SYN2: variants seen among roughly 807,000 people sequenced by gnomAD.
The protein encoded by SYN2 is synapsin-2.
Under a neutral mutation model 50.9 loss-of-function variants are expected in SYN2, and 19 were observed. The observed-to-expected ratio is 0.37, with a 90% CI of 0.26 to 0.55. SYN2 has a LOEUF of 0.55. Ranked by LOEUF, SYN2 falls within the 20% of genes least tolerant of loss-of-function variation. The pLI is 0.81. For synonymous variants in SYN2, 255 were observed against 224.9 expected (o/e 1.13, Z -1.20); for missense variants, 587 against 576.4 (o/e 1.02, Z -0.19).
chr3:12,107,837 T>C lies in SYN2; in HGVS notation c.378-32814T>C, dbSNP rs114648536. ...TTTAACCCAACATTTCCTAAAATCA[T>C]GTGACTATAGAAGTCCTATAGAACA... On this transcript the variant is annotated intron_variant, in intron 1 of 12. Coordinates refer to ENST00000621198, the MANE Select transcript of SYN2 (RefSeq NM_133625.6). Among the ~76,000 whole-genome samples, 725 of 152,362 alleles carry C rather than the reference T, an allele frequency of 4.8e-3. 4 individuals carry two copies. Among genetic ancestry groups the C allele is most frequent in the African/African-American group, 0.017 (688 of 41,584 alleles).
At chr3:12,005,402 G>A (rs1015147906) in intron 1 of SYN2, among the ~76,000 whole-genome samples, 2 of 151,778 alleles carry the variant, frequency 1.3e-5, no homozygotes, top group African/African-American at 4.8e-5. Flanking sequence ...GTGGTGGTGG[G>A]TTTTTTTTAA....
chr3:12,039,549 A>ATTTTTTTTTTTTTTTTTTTTTT (rs60746238), intron 1 of SYN2, among the ~76,000 whole-genome samples: 1 of 118,010 alleles, frequency 8.5e-6, no homozygotes, highest in South Asian at 3.1e-4. Context: ...AGAAGCAAAG[A>ATTTTTTTTTTTTTTTTTTTTTT]TTTTTTTTTT....
intron 5 of SYN2, 45 bp from the exon 6 acceptor site, chr3:12,161,501 G>A (rs1697647776): frequency 6.2e-7 from 1 of 1,608,448 alleles, no homozygotes; most frequent in Non-Finnish European, 8.5e-7. Flanking sequence ...TCCACGGAGA[G>A]ATGGGCACAC....
At chr3:12,129,284 A>G (rs149683146) in intron 1 of SYN2, among the ~76,000 whole-genome samples, 196 of 152,358 alleles carry the variant, frequency 1.3e-3, no homozygotes, top group Non-Finnish European at 1.8e-3. Context: ...GGAAAGTCGT[A>G]CAAAAGCCCA....
chr3:12,068,535 C>T (rs1466532960), intron 1 of SYN2, among the ~76,000 whole-genome samples: 2 of 152,230 alleles, frequency 1.3e-5, no homozygotes. Flanking sequence ...ACAAGCCTTT[C>T]AATTCTGAGA....
intron 1 of SYN2, among the ~76,000 whole-genome samples, chr3:12,083,155 G>C (rs1274558811): frequency 6.6e-6 from 1 of 152,224 alleles, no homozygotes; most frequent in South Asian, 2.1e-4. Flanking sequence ...GGGATTACAG[G>C]TGCATACCAC....
At chr3:12,041,073 C>G (rs1190094958) in intron 1 of SYN2, among the ~76,000 whole-genome samples, 1 of 152,174 alleles carries the variant, frequency 6.6e-6, no homozygotes, top group Non-Finnish European at 1.5e-5. Flanking sequence ...GCAGACAACT[C>G]CCTCAGAGCA....
intron 1 of SYN2, among the ~76,000 whole-genome samples, chr3:12,131,352 G>T (rs1438494820): frequency 2.0e-5 from 3 of 152,218 alleles, no homozygotes; most frequent in African/African-American, 4.8e-5. Context: ...GTGACTGTGG[G>T]TGTGATTCGT....
intron 1 of SYN2, among the ~76,000 whole-genome samples, chr3:12,029,187 A>C (rs1365030756): frequency 1.6e-5 from 2 of 123,490 alleles, no homozygotes; most frequent in Admixed American, 1.6e-4. Flanking sequence ...AGATAGTTGT[A>C]GGTATGCGGC....
intron 1 of SYN2, among the ~76,000 whole-genome samples, chr3:12,091,050 C>G (rs1017190257): frequency 6.6e-6 from 1 of 152,100 alleles, no homozygotes; most frequent in Non-Finnish European, 1.5e-5. Context: ...TCTATCTCTT[C>G]CCCTCATAAT....
rs750932059 is a variant in SYN2, at chr3:12,156,832, A to G, written c.775-4714A>G. ...TCTTTTAACTTACCAGTCAAGAGATACTGCTTCTGGCTGTTGGCTTCTAGT... is the reference window on the plus strand; with the variant it reads ...TCTTTTAACTTACCAGTCAAGAGATGCTGCTTCTGGCTGTTGGCTTCTAGT... On this transcript the variant is annotated intron_variant, in intron 5 of 12. Coordinates refer to ENST00000621198, the MANE Select transcript of SYN2 (RefSeq NM_133625.6). The G allele has an allele frequency of 9.9e-6, 16 of 1,613,822 alleles. No homozygotes were observed. The South Asian group carries it at 1.8e-4, about 18-fold the overall frequency.
rs544799116 is a variant in SYN2 at position 12,189,330 on chromosome 3, T to G, written c.1614-1160T>G. ...ATGGTTTTTCTCTGTGAACCACTAG[T>G]CTCTCAAGGGGAGAATAGGCCCCTA... On this transcript the variant is annotated intron_variant, in intron 12 of 12. Transcript: ENST00000621198. Among the ~76,000 whole-genome samples, 9 of 152,306 alleles carry G rather than the reference T, an allele frequency of 5.9e-5. No homozygotes were observed. In the East Asian group the frequency reaches 1.7e-3, roughly 29 times the overall value.
At chr3:12,046,122 C>A (rs1197969162) in intron 1 of SYN2, among the ~76,000 whole-genome samples, 1 of 152,134 alleles carries the variant, frequency 6.6e-6, no homozygotes, top group Non-Finnish European at 1.5e-5. Context: ...CAGTTTTATT[C>A]TCTGTACCTA....
chr3:12,156,848 G>T, intron 5 of SYN2: 1 of 1,614,112 alleles, frequency 6.2e-7, no homozygotes, highest in African/African-American at 1.3e-5. Flanking sequence ...TCTGGCTGTT[G>T]GCTTCTAGTT....
Position 12,051,548 on chromosome 3 carries a change from C to G in SYN2, c.377+46620C>G, listed in dbSNP as rs142839974. Among the ~76,000 whole-genome samples, 3 of 152,282 alleles carry G rather than the reference C, an allele frequency of 2.0e-5. No individual in the cohort carries two copies. In the East Asian group the frequency reaches 5.8e-4, roughly 29 times the overall value. On this transcript the variant is annotated intron_variant, in intron 1 of 12. Transcript: ENST00000621198. ...ATTTCTTTTAGTACATATGAATCCT[C>G]AAATGTAAGAACTGAAAGGTCTTAG...
rs1435834030 is a variant in SYN2, at chr3:12,141,867, C to G, written c.436-38C>G. On this transcript the variant is annotated intron_variant, in intron 2 of 12. Coordinates refer to ENST00000621198, the MANE Select transcript of SYN2 (RefSeq NM_133625.6). The stretch of plus-strand genomic sequence containing the variant: ...TGCTATGTAGAGGACTTGGTGAAGT[C>G]AGGATTGTGAACTTATTCCCCTGTT... 5.1e-6 allele frequency: 4 copies of G among 779,972 alleles called. No homozygotes were observed. In the African/African-American group the frequency reaches 6.8e-5, roughly 13 times the overall value. 48.3% of individuals were successfully genotyped at this position (779,972 alleles called of 1,614,324 possible).
At chr3:12,070,626 T>G (rs1258820932) in intron 1 of SYN2, 13 of 1,374,716 alleles carry the variant, frequency 9.5e-6, no homozygotes, top group Non-Finnish European at 1.1e-5. Context: ...CAACACCCTG[T>G]CCATGTACGT....
intron 1 of SYN2, among the ~76,000 whole-genome samples, chr3:12,041,543 C>G (rs1694615061): frequency 6.6e-6 from 1 of 152,164 alleles, no homozygotes; most frequent in Admixed American, 6.5e-5. Context: ...AAGCAGCTTT[C>G]CAGAAACTTC....
intron 1 of SYN2, among the ~76,000 whole-genome samples, chr3:12,116,861 C>T (rs1696443238): frequency 1.3e-5 from 2 of 152,158 alleles, no homozygotes; most frequent in African/African-American, 2.4e-5. Flanking sequence ...AGTGATCCCC[C>T]TGCCTCAGCC....
Sources: gnomAD v4.1 joint callset for allele counts (sites outside exome capture counted in the v4.1 genomes callset) on GRCh38, gnomAD v4.1.1 for gene constraint, MANE v1.5 for transcripts, NCBI Gene and HGNC (gene_info 2026-07-23, HGNC 2026-07-21) for gene names.